DLC1: variants seen among roughly 807,000 people sequenced by gnomAD.
DLC1 encodes DLC1 Rho GTPase activating protein.
Under a neutral mutation model 140.3 loss-of-function variants are expected in DLC1, and 54 were observed. That is an observed-to-expected ratio of 0.38 (90% CI 0.31 to 0.48). DLC1 has a LOEUF of 0.48. Ranked by LOEUF, DLC1 falls within the 20% of genes least tolerant of loss-of-function variation. DLC1 has a pLI of 0.96. For synonymous variants in DLC1, 986 were observed against 728.1 expected (o/e 1.35, Z -5.70); for missense variants, 2,536 against 1,907.0 (o/e 1.33, Z -6.14).
At chr8:13,174,854 T>G (rs867934769) in intron 5 of DLC1, among the ~76,000 whole-genome samples, 2 of 152,324 alleles carry the variant, frequency 1.3e-5, no homozygotes, top group Middle Eastern at 6.8e-3. Flanking sequence ...CAGAAGTTCT[T>G]CTGTTTAATT....
intron 5 of DLC1, among the ~76,000 whole-genome samples, chr8:13,121,181 T>G (rs1268782449): frequency 6.6e-6 from 1 of 152,150 alleles, no homozygotes; most frequent in African/African-American, 2.4e-5. Flanking sequence ...TTGATAGACA[T>G]ATGGGCAAAG....
intron 5 of DLC1, among the ~76,000 whole-genome samples, chr8:13,275,308 C>A (rs905950610): frequency 6.6e-6 from 1 of 152,162 alleles, no homozygotes; most frequent in Non-Finnish European, 1.5e-5. Flanking sequence ...ATCAAAAGAC[C>A]TTTTATTAAG....
In DLC1 at chr8:13,552,056, CAT is replaced by C. The variant is rs1205274450; in HGVS notation, c.-125-51862_-125-51861del. On this transcript the variant is annotated intron_variant, in intron 1 of 1. Coordinates refer to the DLC1 transcript ENST00000631382. Reference sequence around the variant, plus strand: ...GTGTGTGTGTATATATATATATACACATATATATATATACCTCTTTCTCTCTA... The same window carrying C: ...GTGTGTGTGTATATATATATATACACATATATATATACCTCTTTCTCTCTA... Among the ~76,000 whole-genome samples, 539 of 116,694 alleles carry C rather than the reference CAT, an allele frequency of 4.6e-3. 5 individuals carry two copies. Among genetic ancestry groups the C allele is most frequent in the African/African-American group, 0.015 (467 of 31,202 alleles). The allele number at this position is 116,694 out of a possible 152,430, so 76.6% of individuals were successfully genotyped here.
At chr8:13,365,362 G>T (rs1350458528) in intron 4 of DLC1, among the ~76,000 whole-genome samples, 2 of 152,128 alleles carry the variant, frequency 1.3e-5, no homozygotes, top group African/African-American at 2.4e-5. Flanking sequence ...GGTGGTAAGT[G>T]ACTGCACAGC....
chr8:13,308,414 G>T (rs778414632), intron 4 of DLC1, among the ~76,000 whole-genome samples: 6 of 152,152 alleles, frequency 3.9e-5, no homozygotes, highest in Admixed American at 1.3e-4. Flanking sequence ...GTGATAACAG[G>T]TGGATATTCC....
At chr8:13,535,652 T>A (rs1585250838) in intron 1 of DLC1, among the ~76,000 whole-genome samples, 1 of 107,810 alleles carries the variant, frequency 9.3e-6, no homozygotes, top group African/African-American at 3.8e-5. Flanking sequence ...AGTGAGGGCG[T>A]GGGGATCATT....
intron 1 of DLC1, among the ~76,000 whole-genome samples, chr8:13,527,288 C>T (rs193286068): frequency 1.2e-3 from 179 of 152,170 alleles, no homozygotes; most frequent in African/African-American, 2.5e-3. Context: ...GAATTTCTAT[C>T]GGAAAATATA....
At chr8:13,353,734 G>C (rs1474080896) in intron 4 of DLC1, among the ~76,000 whole-genome samples, 1 of 152,038 alleles carries the variant, frequency 6.6e-6, no homozygotes, top group Non-Finnish European at 1.5e-5. Context: ...GCAGGTGCCT[G>C]TAAACCCAGC....
intron 2 of DLC1, among the ~76,000 whole-genome samples, chr8:13,416,796 T>A (rs181123636): frequency 6.6e-6 from 1 of 152,290 alleles, no homozygotes; most frequent in South Asian, 2.1e-4. Flanking sequence ...TGGTTTGACA[T>A]TTTTTGGCTG....
chr8:13,165,975 A>G (rs1354581434), intron 5 of DLC1, among the ~76,000 whole-genome samples: 1 of 152,144 alleles, frequency 6.6e-6, no homozygotes, highest in Non-Finnish European at 1.5e-5. Flanking sequence ...AGTCGATACT[A>G]TGTCACTATT....
intron 1 of DLC1, among the ~76,000 whole-genome samples, chr8:13,589,761 T>G (rs1246025785): frequency 6.6e-6 from 1 of 151,726 alleles, no homozygotes; most frequent in South Asian, 2.1e-4. Flanking sequence ...CCAACAGAGA[T>G]TGTGTAAATT....
chr8:13,498,810 C>A, intron 2 of DLC1: 1 of 410,454 alleles, frequency 2.4e-6, no homozygotes, highest in Non-Finnish European at 4.2e-6. Context: ...CAACACAATT[C>A]TGAAATAGAA....
Position 13,531,276 on chromosome 8 carries a change from T to A in DLC1, c.-125-31080A>T, listed in dbSNP as rs118155786. Among the ~76,000 whole-genome samples the A allele has an allele frequency of 1.1e-4, 16 of 152,232 alleles. No individual in the cohort carries two copies. The East Asian group carries it at 3.1e-3, about 30-fold the overall frequency. On this transcript the variant is annotated intron_variant, in intron 1 of 1. Transcript: ENST00000631382. ...GGCTACTACAGCATTTTACATTGAG[T>A]TACATTTACAGCAAAACTTAATGCT... is the stretch of plus-strand genomic sequence containing the variant.
At chr8:13,213,091 C>G (rs1329862532) in intron 5 of DLC1, among the ~76,000 whole-genome samples, 5 of 152,146 alleles carry the variant, frequency 3.3e-5, no homozygotes, top group African/African-American at 1.2e-4. Context: ...TTTAGTCTCG[C>G]TCAAAGATAC....
At chr8:13,535,404 G>A (rs1243389730) in intron 1 of DLC1, among the ~76,000 whole-genome samples, 4 of 152,004 alleles carry the variant, frequency 2.6e-5, no homozygotes, top group Admixed American at 6.6e-5. Flanking sequence ...TGCAACTTAC[G>A]ATTAACACAC....
intron 2 of DLC1, among the ~76,000 whole-genome samples, chr8:13,441,740 C>G (rs1177328869): frequency 6.6e-6 from 1 of 152,098 alleles, no homozygotes; most frequent in Non-Finnish European, 1.5e-5. Flanking sequence ...ACATTCCATG[C>G]TCATGGGTAG....
At chr8:13,210,606 T>C (rs1827890819) in intron 5 of DLC1, among the ~76,000 whole-genome samples, 1 of 152,238 alleles carries the variant, frequency 6.6e-6, no homozygotes, top group Admixed American at 6.5e-5. Flanking sequence ...AAATCAATTT[T>C]AGAAATACTT....
Position 13,090,453 on chromosome 8 carries a change from G to A in DLC1, c.3873C>T (p.Ser1291=), listed in dbSNP as rs984892503. Residue 1291 remains serine, a synonymous_variant, in exon 15 of 18, where the codon AGC becomes AGT. Coordinates refer to ENST00000276297, the MANE Select transcript of DLC1 (RefSeq NM_182643.3). The part of the protein sequence containing the change: ...KKLFQVPEEM[S]RCRNSYTEQE... ...GTTCGGTATAGGAATTACGACATCG[G>A]CTCATTTCCTCGGGAACCTGTGCGG... is the stretch of plus-strand genomic sequence containing the variant. The A allele has an allele frequency of 1.9e-6, 3 of 1,614,008 alleles. No homozygotes were observed. Among genetic ancestry groups the A allele is most frequent in the Non-Finnish European group, 2.5e-6 (3 of 1,180,038 alleles).
intron 2 of DLC1, among the ~76,000 whole-genome samples, chr8:13,417,772 T>A (rs1254872112): frequency 6.6e-6 from 1 of 152,146 alleles, no homozygotes; most frequent in Non-Finnish European, 1.5e-5. Flanking sequence ...TCTAGATCCC[T>A]GAGGAATCGC....
Sources: allele counts gnomAD v4.1 joint callset (sites outside exome capture counted in the v4.1 genomes callset), GRCh38; gene constraint gnomAD v4.1.1; transcripts MANE v1.5; gene names NCBI Gene and HGNC (gene_info 2026-07-23, HGNC 2026-07-21).